The following DOCK2 variants were observed in gnomAD, a reference collection of about 807,000 sequenced individuals.
DOCK2 encodes dedicator of cytokinesis 2.
In DOCK2, 87 loss-of-function variants were observed where a neutral mutation model predicts 248.9. That is an observed-to-expected ratio of 0.35 (90% confidence interval 0.29 to 0.42). The LOEUF (loss-of-function observed/expected upper bound fraction) is 0.42. DOCK2 is among the 10% of genes least tolerant of loss of function. DOCK2 has a pLI of 1.00. For missense variants in DOCK2, 1,747 were observed against 2,300.2 expected, an observed-to-expected ratio of 0.76 and a Z score of 4.92; for synonymous variants, 805 against 821.6, an observed-to-expected ratio of 0.98 and a Z score of 0.35.
chr5:169,987,356 A>C (rs1339402722), intron 29 of DOCK2, among the ~76,000 whole-genome samples: 3 of 152,218 alleles, frequency 2.0e-5, no homozygotes, highest in Non-Finnish European at 4.4e-5. Flanking sequence ...CTTGGATTTC[A>C]TGACCCGCCT....
chr5:169,841,678 C>T (rs1428184927), intron 27 of DOCK2: 1 of 157,438 alleles, frequency 6.4e-6, no homozygotes, highest in Non-Finnish European at 1.4e-5. Flanking sequence ...CTGATATCAC[C>T]TAAGCATAGA....
At chr5:170,030,464 T>G (rs1444395927) in intron 34 of DOCK2, among the ~76,000 whole-genome samples, 1 of 152,122 alleles carries the variant, frequency 6.6e-6, no homozygotes, top group East Asian at 1.9e-4. Context: ...TTGTTGGGAG[T>G]CTAGCAATAT....
At chr5:169,727,463 C>T (rs529594672) in intron 22 of DOCK2, among the ~76,000 whole-genome samples, 13 of 152,202 alleles carry the variant, frequency 8.5e-5, no homozygotes, top group Middle Eastern at 3.4e-3. Flanking sequence ...TGAATGAAGC[C>T]GTGGTGGTGG....
At chr5:170,000,283 C>T (rs1754787618) in intron 30 of DOCK2, 1 of 152,210 alleles carries the variant, frequency 6.6e-6, no homozygotes, top group African/African-American at 2.4e-5. Context: ...GGGTGACTAA[C>T]TTTATTGGGC....
intron 2 of DOCK2, among the ~76,000 whole-genome samples, chr5:169,667,978 A>G (rs1381328082): frequency 6.6e-6 from 1 of 152,238 alleles, no homozygotes; most frequent in Non-Finnish European, 1.5e-5. Flanking sequence ...GACATTGAGA[A>G]GTTGGAAATA....
intron 5 of DOCK2, among the ~76,000 whole-genome samples, chr5:169,673,113 C>G (rs1299798615): frequency 6.6e-6 from 1 of 152,096 alleles, no homozygotes; most frequent in Non-Finnish European, 1.5e-5. Flanking sequence ...CCCTCCCCTC[C>G]CAGAGGTTGG....
chr5:169,828,790 G>T (rs1268599254), intron 26 of DOCK2, among the ~76,000 whole-genome samples: 1 of 152,186 alleles, frequency 6.6e-6, no homozygotes, highest in Non-Finnish European at 1.5e-5. Flanking sequence ...CTCTGCAACA[G>T]TTACGTGACA....
intron 22 of DOCK2, among the ~76,000 whole-genome samples, chr5:169,731,337 G>C (rs1355405369): frequency 6.6e-6 from 1 of 152,174 alleles, no homozygotes; most frequent in East Asian, 1.9e-4. Flanking sequence ...TTTCTGTGCT[G>C]TTCTCATGAT....
At chr5:169,761,156 A>T (rs1428412754) in intron 24 of DOCK2, among the ~76,000 whole-genome samples, 2 of 152,248 alleles carry the variant, frequency 1.3e-5, no homozygotes, top group Non-Finnish European at 2.9e-5. Flanking sequence ...TAACCTTAGA[A>T]AAGTTAGCCT....
intron 30 of DOCK2, among the ~76,000 whole-genome samples, chr5:170,001,154 C>A (rs1754817317): frequency 6.6e-6 from 1 of 152,186 alleles, no homozygotes; most frequent in Non-Finnish European, 1.5e-5. Flanking sequence ...CTTCCACTCC[C>A]CAAATCAGAA....
intron 13 of DOCK2, among the ~76,000 whole-genome samples, chr5:169,701,130 C>T (rs917720442): frequency 1.3e-5 from 2 of 152,182 alleles, no homozygotes; most frequent in Non-Finnish European, 2.9e-5. Flanking sequence ...TTCACTCTGT[C>T]TTGCTTCTAC....
At chr5:169,691,557 G>A (rs1760303734) in intron 9 of DOCK2, among the ~76,000 whole-genome samples, 1 of 152,230 alleles carries the variant, frequency 6.6e-6, no homozygotes, top group African/African-American at 2.4e-5. Flanking sequence ...ATGTCAGAAA[G>A]CAATCCAAGC....
Position 169,759,794 on chromosome 5 carries a change from C to T in DOCK2, c.2447+19C>T, listed in dbSNP as rs1027593732. 1 of 1,613,596 alleles carries T rather than the reference C, an allele frequency of 6.2e-7. No homozygotes were observed. The highest frequency in any genetic ancestry group is 8.5e-7 in the Non-Finnish European group (1 of 1,179,616). Reference sequence around the variant, plus strand: ...TACTCAGGTGAGAGCTCATGTTGTACTTTCTTGGGCTCTGCTGGCAAGCTA... The same window carrying T: ...TACTCAGGTGAGAGCTCATGTTGTATTTTCTTGGGCTCTGCTGGCAAGCTA... On this transcript the variant is annotated intron_variant, in intron 24 of 51. Transcript: ENST00000520908.
intron 46 of DOCK2, among the ~76,000 whole-genome samples, chr5:170,073,807 A>T (rs1007679803): frequency 6.6e-6 from 1 of 152,004 alleles, no homozygotes; most frequent in Non-Finnish European, 1.5e-5. Flanking sequence ...TTCAATCCTA[A>T]TATTGGTTAT....
intron 27 of DOCK2, among the ~76,000 whole-genome samples, chr5:169,908,365 A>G (rs1199870644): frequency 1.3e-5 from 2 of 152,144 alleles, no homozygotes; most frequent in African/African-American, 2.4e-5. Context: ...ACTCACATGC[A>G]TATAGGCATA....
chr5:169,829,984 T>C (rs944226195), intron 26 of DOCK2, among the ~76,000 whole-genome samples: 9 of 152,342 alleles, frequency 5.9e-5, no homozygotes, highest in African/African-American at 1.9e-4. Context: ...TATTCTATTG[T>C]GTGGATAAGC....
At chr5:169,727,363 G>A (rs533383556) in intron 22 of DOCK2, among the ~76,000 whole-genome samples, 6 of 152,272 alleles carry the variant, frequency 3.9e-5, no homozygotes, top group African/African-American at 7.2e-5. Flanking sequence ...TCTAGATGTC[G>A]GCGGGGAGGG....
chr5:170,005,501 C>T (rs1754996052), intron 30 of DOCK2, among the ~76,000 whole-genome samples: 1 of 152,150 alleles, frequency 6.6e-6, no homozygotes, highest in South Asian at 2.1e-4. Context: ...TTACTGAGTG[C>T]TCGGTGTGTG....
intron 14 of DOCK2, among the ~76,000 whole-genome samples, chr5:169,703,079 T>C (rs907470641): frequency 1.3e-5 from 2 of 152,232 alleles, no homozygotes; most frequent in Non-Finnish European, 2.9e-5. Flanking sequence ...GTCAGTGCTG[T>C]GTCCAGTGTG....
Sources: allele counts gnomAD v4.1 joint callset (sites outside exome capture counted in the v4.1 genomes callset), GRCh38; gene constraint gnomAD v4.1.1; transcripts MANE v1.5; gene names NCBI Gene and HGNC (gene_info 2026-07-23, HGNC 2026-07-21).